Variants in LRP1B observed in about 807,000 individuals in gnomAD.
LRP1B encodes the protein LDL receptor related protein 1B, also known as low-density lipoprotein receptor-related protein 1B.
In LRP1B, 217 loss-of-function variants were observed where a neutral mutation model predicts 556.6. The ratio of observed to expected loss-of-function variants is 0.39; its 90% CI spans 0.35 to 0.44. The LOEUF is 0.44. Ranked by LOEUF, LRP1B falls within the 20% of genes least tolerant of loss-of-function variation. The pLI is 1.00. For missense variants in LRP1B, 5,053 were observed against 5,620.8 expected, an observed-to-expected ratio of 0.90 and a Z score of 3.23; for synonymous variants, 2,047 against 1,865.8, an observed-to-expected ratio of 1.10 and a Z score of -2.50.
chr2:140,429,920 G>T (rs1685845511), intron 66 of LRP1B, among the ~76,000 whole-genome samples: 1 of 151,892 alleles, frequency 6.6e-6, no homozygotes, highest in South Asian at 2.1e-4. Flanking sequence ...CTGCTCCCCG[G>T]CTCCTTCAGC....
rs749031791 is a variant in LRP1B at position 141,015,720 on chromosome 2, T to C, written c.2166A>G (p.Val722=). Residue 722 remains valine, a synonymous_variant, in exon 13 of 91, where the codon GTA becomes GTG. Coordinates refer to ENST00000389484, the MANE Select transcript of LRP1B (RefSeq NM_018557.3). The part of the protein sequence containing the change: ...CDAYYDHIEK[V]FLNGTHRKIV... ...CCTTCCTGTGAGTCCCATTCAAAAATACTTTTTCAATATGATCGTAATAGG... is the reference window on the plus strand; with the variant it reads ...CCTTCCTGTGAGTCCCATTCAAAAACACTTTTTCAATATGATCGTAATAGG... 3.1e-6 allele frequency: 5 copies of C among 1,612,858 alleles called. No individual in the cohort carries two copies. Among genetic ancestry groups the C allele is most frequent in the South Asian group, 2.2e-5 (2 of 91,054 alleles).
chr2:140,732,688 G>A (rs1289627902), intron 35 of LRP1B, among the ~76,000 whole-genome samples: 1 of 148,278 alleles, frequency 6.7e-6, no homozygotes, highest in African/African-American at 2.5e-5. Flanking sequence ...TAGAAAACTA[G>A]GATGAAATGG....
intron 20 of LRP1B, among the ~76,000 whole-genome samples, chr2:140,940,182 G>A (rs571406168): frequency 8.5e-5 from 13 of 152,156 alleles, no homozygotes; most frequent in African/African-American, 2.9e-4. Context: ...ACCACGCCCA[G>A]CCTATTTGGT....
chr2:141,839,816 C>T (rs1021748572), intron 1 of LRP1B, among the ~76,000 whole-genome samples: 1 of 152,120 alleles, frequency 6.6e-6, no homozygotes, highest in Non-Finnish European at 1.5e-5. Context: ...CAAGAAATCA[C>T]AATAGATTTA....
chr2:141,736,919 T>C (rs1288085497), intron 2 of LRP1B, among the ~76,000 whole-genome samples: 1 of 152,166 alleles, frequency 6.6e-6, no homozygotes, highest in Non-Finnish European at 1.5e-5. Flanking sequence ...CGCAGAATAG[T>C]AAGTGCAGCT....
chr2:141,699,976 CATA>C (rs1219560510), intron 2 of LRP1B, among the ~76,000 whole-genome samples: 1 of 150,754 alleles, frequency 6.6e-6, no homozygotes, highest in Non-Finnish European at 1.5e-5. Context: ...AAAGAATATA[CATA>C]ATGTCATGGA....
At chr2:141,289,966 G>GT (rs929317503) in intron 3 of LRP1B, among the ~76,000 whole-genome samples, 2 of 151,908 alleles carry the variant, frequency 1.3e-5, no homozygotes, top group Non-Finnish European at 2.9e-5. Flanking sequence ...AAGTGACTTG[G>GT]TTTTTTTTCT....
chr2:140,481,324 T>A (rs1284943963), intron 59 of LRP1B, among the ~76,000 whole-genome samples: 1 of 152,068 alleles, frequency 6.6e-6, no homozygotes, highest in Non-Finnish European at 1.5e-5. Context: ...AACTCTGACA[T>A]GATGTAATAG....
intron 11 of LRP1B, among the ~76,000 whole-genome samples, chr2:141,044,395 G>A (rs913779193): frequency 6.6e-6 from 1 of 151,648 alleles, no homozygotes; most frequent in African/African-American, 2.4e-5. Flanking sequence ...AAAAGCAATG[G>A]CAACAAAAGA....
At chr2:141,972,479 A>G (rs1220390583) in intron 1 of LRP1B, among the ~76,000 whole-genome samples, 1 of 151,504 alleles carries the variant, frequency 6.6e-6, no homozygotes, top group Non-Finnish European at 1.5e-5. Context: ...TTTTCCTTCA[A>G]TTCCACATGA....
intron 1 of LRP1B, among the ~76,000 whole-genome samples, chr2:141,917,300 G>A (rs1700062852): frequency 6.6e-6 from 1 of 152,084 alleles, no homozygotes; most frequent in South Asian, 2.1e-4. Context: ...CTAAATCCAA[G>A]GAACGCTATT....
At chr2:141,187,950 T>A (rs983286323) in intron 7 of LRP1B, among the ~76,000 whole-genome samples, 1 of 152,016 alleles carries the variant, frequency 6.6e-6, no homozygotes, top group Admixed American at 6.6e-5. Flanking sequence ...AACAAAGATA[T>A]TTTTAATGTT....
At chr2:141,644,243 G>C (rs1212671544) in intron 2 of LRP1B, among the ~76,000 whole-genome samples, 1 of 152,004 alleles carries the variant, frequency 6.6e-6, no homozygotes, top group African/African-American at 2.4e-5. Flanking sequence ...GAACCCGGTG[G>C]GAGGTAATTG....
At chr2:141,551,482 T>C (rs1466919983) in intron 2 of LRP1B, among the ~76,000 whole-genome samples, 1 of 152,068 alleles carries the variant, frequency 6.6e-6, no homozygotes, top group Non-Finnish European at 1.5e-5. Context: ...GTTAAATGAA[T>C]TTTTTTATTG....
At chr2:141,185,216 C>G (rs1050597949) in intron 7 of LRP1B, among the ~76,000 whole-genome samples, 3 of 152,036 alleles carry the variant, frequency 2.0e-5, no homozygotes, top group Admixed American at 6.6e-5. Context: ...GACAATAAAA[C>G]AAAGGCAGAA....
chr2:140,793,601 CAAAT>C (rs1690197561), intron 32 of LRP1B, among the ~76,000 whole-genome samples: 1 of 151,906 alleles, frequency 6.6e-6, no homozygotes, highest in African/African-American at 2.4e-5. Flanking sequence ...AATATTGTCA[CAAAT>C]GAATGATCTT....
At chr2:140,698,865 T>C (rs12477689) in intron 41 of LRP1B, among the ~76,000 whole-genome samples, 87,645 of 151,852 alleles carry the variant, frequency 0.58, 26,825 homozygotes, top group Middle Eastern at 0.74. Flanking sequence ...TTTGAAAATA[T>C]TGGTTCTCTA....
chr2:141,239,731 C>T lies in LRP1B; in HGVS notation c.592+7495G>A, dbSNP rs377712596. Among the ~76,000 whole-genome samples, 27 of 151,950 alleles carry T rather than the reference C, an allele frequency of 1.8e-4. 2 individuals carry two copies. In the South Asian group the frequency reaches 5.6e-3, roughly 32 times the overall value. ...GGGTGAGAAAATTCTCTTTTAATTG[C>T]TTCTATTTTCTCAAGGAAATATGAA... On this transcript the variant is annotated intron_variant, in intron 5 of 90. Coordinates refer to ENST00000389484, the MANE Select transcript of LRP1B (RefSeq NM_018557.3).
chr2:141,474,038 T>TC (rs1559091503), intron 3 of LRP1B, among the ~76,000 whole-genome samples: 1 of 126,750 alleles, frequency 7.9e-6, no homozygotes, highest in African/African-American at 3.3e-5. Context: ...CTTCCTTCCT[T>TC]CCTTCCTTTC....
Sources: allele counts gnomAD v4.1 joint callset (sites outside exome capture counted in the v4.1 genomes callset), GRCh38; gene constraint gnomAD v4.1.1; transcripts MANE v1.5; gene names NCBI Gene and HGNC (gene_info 2026-07-23, HGNC 2026-07-21).